Variants in COA1 observed in about 807,000 individuals in gnomAD.
COA1 encodes the protein cytochrome c oxidase assembly factor 1.
In COA1, 13 loss-of-function variants were observed where a neutral mutation model predicts 16.0. The observed-to-expected ratio is 0.81, with a 90% CI of 0.53 to 1.29. The LOEUF (loss-of-function observed/expected upper bound fraction) is 1.29. Ranked by LOEUF, COA1 falls within the 50% of genes most tolerant of loss-of-function variation. The pLI is 0.00. For missense variants in COA1, 179 were observed against 177.0 expected (o/e 1.01, Z -0.06); for synonymous variants, 65 against 65.7 (o/e 0.99, Z 0.05).
At chr7:43,647,485 G>C in intron 3 of COA1, 50 bp downstream of exon 3, 1 of 1,188,748 alleles carries the variant, frequency 8.4e-7, no homozygotes, top group Non-Finnish European at 1.3e-6. Flanking sequence ...TGGAGGAGCA[G>C]GAGCAGGCTA....
At chr7:43,671,492 A>C (rs1053737347) in intron 1 of COA1, among the ~76,000 whole-genome samples, 4 of 152,216 alleles carry the variant, frequency 2.6e-5, no homozygotes, top group African/African-American at 4.8e-5. Flanking sequence ...AAAATAAAGA[A>C]GGTATCTAGG....
chr7:43,679,693 A>G (rs549420305), intron 1 of COA1, among the ~76,000 whole-genome samples: 1 of 152,340 alleles, frequency 6.6e-6, no homozygotes, highest in Admixed American at 6.5e-5. Flanking sequence ...GTGGACTTAA[A>G]ATCAGTCTTA....
At chr7:43,708,117 T>A (rs932823448) in intron 1 of COA1, among the ~76,000 whole-genome samples, 1 of 152,152 alleles carries the variant, frequency 6.6e-6, no homozygotes, top group Non-Finnish European at 1.5e-5. Context: ...GGCAGGAGAA[T>A]TGCTTGAACC....
intron 6 of COA1, among the ~76,000 whole-genome samples, chr7:43,629,343 A>C (rs910005528): frequency 1.5e-4 from 23 of 152,360 alleles, no homozygotes; most frequent in African/African-American, 5.0e-4. Flanking sequence ...CTCCCAGAAG[A>C]AGCCTTGTGG....
At chr7:43,669,428 C>G (rs2093111561) in intron 1 of COA1, among the ~76,000 whole-genome samples, 1 of 152,162 alleles carries the variant, frequency 6.6e-6, no homozygotes, top group Admixed American at 6.5e-5. Flanking sequence ...TTCCCCTCGC[C>G]TCACAGGTGC....
chr7:43,635,321 A>G (rs1310132161), downstream of COA1, among the ~76,000 whole-genome samples: 2 of 152,130 alleles, frequency 1.3e-5, no homozygotes, highest in Admixed American at 6.5e-5. Context: ...ATAAACCTCT[A>G]TTAGTCACTG....
chr7:43,652,235 A>G (rs968310536), intron 1 of COA1, among the ~76,000 whole-genome samples: 1 of 152,190 alleles, frequency 6.6e-6, no homozygotes, highest in Non-Finnish European at 1.5e-5. Flanking sequence ...CATTCCCAGC[A>G]GACCTATTAA....
intron 1 of COA1, chr7:43,711,306 T>C (rs1191218217): frequency 6.6e-6 from 1 of 151,984 alleles, no homozygotes; most frequent in Non-Finnish European, 1.5e-5. Flanking sequence ...CCCACTTTAT[T>C]ATGTGCTCAT....
intron 1 of COA1, among the ~76,000 whole-genome samples, chr7:43,692,748 G>C (rs1369223327): frequency 2.6e-5 from 4 of 151,986 alleles, no homozygotes; most frequent in Non-Finnish European, 4.4e-5. Context: ...AGTATGACTA[G>C]GCAATTCACA....
chr7:43,642,984 C>T (rs543088846), intron 4 of COA1, among the ~76,000 whole-genome samples: 1 of 152,334 alleles, frequency 6.6e-6, no homozygotes, highest in Admixed American at 6.5e-5. Context: ...AAATAGTCCA[C>T]AAATTGGAAG....
At chr7:43,682,231 C>T (rs1033174550) in intron 1 of COA1, among the ~76,000 whole-genome samples, 1 of 152,116 alleles carries the variant, frequency 6.6e-6, no homozygotes, top group Non-Finnish European at 1.5e-5. Context: ...ATAAACAGAC[C>T]ACTAAGACTT....
intron 1 of COA1, among the ~76,000 whole-genome samples, chr7:43,700,352 A>T (rs574137694): frequency 2.7e-4 from 41 of 152,086 alleles, no homozygotes; most frequent in African/African-American, 9.9e-4. Flanking sequence ...TATACATAAA[A>T]TTTTCTATAA....
At chr7:43,691,065 A>AC (rs1220398421) in intron 1 of COA1, among the ~76,000 whole-genome samples, 12 of 134,770 alleles carry the variant, frequency 8.9e-5, no homozygotes, top group African/African-American at 2.4e-4. Flanking sequence ...AAAAAAAAAA[A>AC]AAAAAAAAAA....
chr7:43,650,511 T>G (rs1046149740), intron 1 of COA1: 6 of 152,164 alleles, frequency 3.9e-5, no homozygotes, highest in African/African-American at 1.4e-4. Context: ...ACTAGGCATT[T>G]CCTCAAGGTG....
At chr7:43,631,751 C>CA (rs1364533123) in intron 6 of COA1, 1 of 152,192 alleles carries the variant, frequency 6.6e-6, no homozygotes, top group Non-Finnish European at 1.5e-5. Flanking sequence ...AGGCATAACT[C>CA]AGAAATACGC....
downstream of COA1, among the ~76,000 whole-genome samples, chr7:43,638,304 T>C (rs896940263): frequency 6.6e-5 from 10 of 152,082 alleles, no homozygotes; most frequent in Non-Finnish European, 1.3e-4. Flanking sequence ...CTGTCCTTCA[T>C]TGTAGACAAC....
chr7:43,691,265 A>AAAGAAAAG (rs1450949783), intron 1 of COA1, among the ~76,000 whole-genome samples: 401 of 45,766 alleles, frequency 8.8e-3, no homozygotes, highest in Non-Finnish European at 0.012. Flanking sequence ...AGAAAGAAAG[A>AAAGAAAAG]AAAGAAAGAA....
chr7:43,623,331 A>G, intron 6 of COA1: 2 of 428,620 alleles, frequency 4.7e-6, no homozygotes, highest in Non-Finnish European at 8.2e-6. Flanking sequence ...AAAATATTTA[A>G]ATATTTTGTA....
intron 1 of COA1, among the ~76,000 whole-genome samples, chr7:43,677,541 G>A (rs909146273): frequency 3.3e-5 from 5 of 152,184 alleles, no homozygotes; most frequent in African/African-American, 7.2e-5. Flanking sequence ...GCTCACGCCT[G>A]TAATCCCAGC....
Sources: allele counts gnomAD v4.1 joint callset (sites outside exome capture counted in the v4.1 genomes callset), GRCh38; gene constraint gnomAD v4.1.1; transcripts MANE v1.5; gene names NCBI Gene and HGNC (gene_info 2026-07-23, HGNC 2026-07-21).